The following WNK1 variants were observed in gnomAD, a reference collection of about 807,000 sequenced individuals.
WNK1 encodes the protein WNK lysine deficient protein kinase 1, also known as serine/threonine-protein kinase WNK1.
In WNK1, 38 loss-of-function variants were observed where a neutral mutation model predicts 222.8. The observed-to-expected ratio is 0.17, with a 90% CI of 0.13 to 0.22. The LOEUF (loss-of-function observed/expected upper bound fraction) is 0.22, where lower values mean the gene tolerates loss of function less well. WNK1 is among the 10% of genes least tolerant of loss of function. The pLI is 1.00. For synonymous variants in WNK1, 1,090 were observed against 1,092.9 expected, an observed-to-expected ratio of 1.00 and a Z score of 0.05; for missense variants, 2,348 against 2,918.4, an observed-to-expected ratio of 0.80 and a Z score of 4.50.
chr12:828,288 A>G (rs1948524920), intron 3 of WNK1, among the ~76,000 whole-genome samples: 2 of 152,198 alleles, frequency 1.3e-5, no homozygotes, highest in East Asian at 3.8e-4. Context: ...CCTGGGCAAC[A>G]GAGCAAGACT....
intron 1 of WNK1, 52 bp from the exon 2 acceptor site, chr12:813,590 A>T: frequency 6.3e-7 from 1 of 1,582,288 alleles, no homozygotes; most frequent in South Asian, 1.1e-5. Flanking sequence ...TAACTGTCTG[A>T]TTTGGTGTTT....
At position 896,670 on chromosome 12, in the gene WNK1, C is replaced by T. The variant is rs201207378; in HGVS notation, c.6183C>T (p.Ser2061=). ...CATTTAACTCCTCTTACATGAGTAG[C>T]GACAATGAGTCAGATATCGAAGATG... ...SNSFNSSYMS[S]DNESDIEDED... The change falls in exon 24 of 28, where the codon AGC becomes AGT. Residue 2061 remains serine (S), a synonymous_variant. Transcript: ENST00000315939. The T allele has an allele frequency of 2.2e-5, 36 of 1,609,544 alleles. No individual in the cohort carries two copies. Among genetic ancestry groups the T allele is most frequent in the Admixed American group, 5.1e-5 (3 of 59,048 alleles).
chr12:905,823 C>A (rs1428136992), intron 26 of WNK1, among the ~76,000 whole-genome samples: 1 of 152,212 alleles, frequency 6.6e-6, no homozygotes, highest in African/African-American at 2.4e-5. Context: ...TCCCTTCACA[C>A]TGTATGTGCA....
At chr12:901,462 A>G in intron 26 of WNK1, 1 of 699,396 alleles carries the variant, frequency 1.4e-6, no homozygotes, top group Middle Eastern at 3.1e-4. Flanking sequence ...GTGCCATCTT[A>G]GTGCATTTCA....
chr12:905,685 G>T (rs1955634958), intron 26 of WNK1, among the ~76,000 whole-genome samples: 1 of 152,156 alleles, frequency 6.6e-6, no homozygotes, highest in African/African-American at 2.4e-5. Context: ...TCACTGTCAT[G>T]ACTGCCCATC....
In WNK1 at chr12:849,313, AT is replaced by A. The variant is rs758307947; in HGVS notation, c.1312-7846del. ...CTTAGCATTCACTGTCTTGATCAGG[AT>A]TCAAGCTTACAAAATTACAAGGGAG... On this transcript the variant is annotated intron_variant, in intron 4 of 27. Transcript: ENST00000315939. Among the ~76,000 whole-genome samples, 6 of 152,338 alleles carry A rather than the reference AT, an allele frequency of 3.9e-5. No individual in the cohort carries two copies. The East Asian group carries it at 1.2e-3, about 29-fold the overall frequency.
intron 1 of WNK1, among the ~76,000 whole-genome samples, chr12:808,403 A>C (rs1946577968): frequency 6.6e-6 from 1 of 151,840 alleles, no homozygotes. Flanking sequence ...CGCCATGCCC[A>C]GCCCTAGTTT....
chr12:779,397 G>GTTTTTTTTTTT (rs5795950), intron 1 of WNK1, among the ~76,000 whole-genome samples: 4 of 124,274 alleles, frequency 3.2e-5, no homozygotes, highest in Admixed American at 8.2e-5. Flanking sequence ...TTTCTTTTCT[G>GTTTTTTTTTTT]TTTTTTTTTT....
At position 861,118 on chromosome 12, in the gene WNK1, C is replaced by G. The variant is rs756361196; in HGVS notation, c.1726C>G (p.Arg576Gly). 1 of 1,612,842 alleles carries G rather than the reference C, an allele frequency of 6.2e-7. No homozygotes were observed. Among genetic ancestry groups the G allele is most frequent in the Non-Finnish European group, 8.5e-7 (1 of 1,179,804 alleles). Residue 576 changes from arginine to glycine, a missense_variant, in exon 7 of 28, where the codon CGG becomes GGG. Transcript: ENST00000315939. ...KRKREQRQLV[R>G]EEQEKKKQEE... is the part of the protein sequence containing the mutation. ...GAAACGAGAGCAGCGGCAGTTGGTA[C>G]GGGAGGAGCAAGAAAAAAAAAAGCA...
chr12:871,400 A>G (rs540273186), intron 9 of WNK1, 52 bp downstream of exon 9: 6 of 1,574,122 alleles, frequency 3.8e-6, no homozygotes, highest in African/African-American at 2.7e-5. Context: ...CCAGAACACT[A>G]TTTTAACTTT....
chr12:865,155 C>T lies in WNK1; in HGVS notation c.2139+2885C>T, dbSNP rs72649816. On this transcript the variant is annotated intron_variant, in intron 8 of 27. Coordinates refer to ENST00000315939, the MANE Select transcript of WNK1 (RefSeq NM_018979.4). ...GTCGGTTTGTGTTCCCATCTTTCTG[C>T]TGTTGCCTCTGTGTCCCGCATCTCT... 1.4e-5 allele frequency: 21 copies of T among 1,532,888 alleles called. No individual in the cohort carries two copies. Among genetic ancestry groups the T allele is most frequent in the Non-Finnish European group, 1.7e-5 (20 of 1,145,380 alleles). The allele number at this position is 1,532,888 out of a possible 1,614,324, so 95.0% of individuals were successfully genotyped here. A position where few individuals can be genotyped will look rare whatever the true frequency, so the allele number is the denominator to read the frequency against.
chr12:864,349 G>T (rs1272423693), intron 8 of WNK1, among the ~76,000 whole-genome samples: 1 of 152,066 alleles, frequency 6.6e-6, no homozygotes, highest in Non-Finnish European at 1.5e-5. Context: ...GACCTCAAGT[G>T]ATCCACCTGC....
rs995676091 is a variant in WNK1 at position 880,964 on chromosome 12, G to A, written c.3076G>A (p.Ala1026Thr). ...CCAGCCAGGAGGGAGTTTAGCACAA[G>A]CCCCCACTACATCCTCCCAGCAAGC... ...VSQPGGSLAQAPTTSSQQAVL... is the reference protein window; with the variant it reads ...VSQPGGSLAQTPTTSSQQAVL... The change falls in exon 12 of 28, where the codon GCC becomes ACC. Residue 1026 changes from alanine (A) to threonine (T), a missense_variant. By Grantham distance (58) the Ala-to-Thr change is moderately conservative. This residue lies in a region of WNK1 where 547 missense variants were observed against 558.3 expected (regional missense o/e 0.98). Transcript: ENST00000315939. The A allele has an allele frequency of 1.2e-5, 19 of 1,614,028 alleles. No individual in the cohort carries two copies. Among genetic ancestry groups the A allele is most frequent in the Non-Finnish European group, 1.6e-5 (19 of 1,180,018 alleles).
chr12:856,286 T>C (rs888181372), intron 4 of WNK1, among the ~76,000 whole-genome samples: 4 of 151,802 alleles, frequency 2.6e-5, no homozygotes, highest in African/African-American at 7.3e-5. Flanking sequence ...CCATCCCATC[T>C]GTACTAAAAA....
chr12:752,759 C>T lies in WNK1; in HGVS notation c.-807C>T. On this transcript the variant is annotated 5_prime_UTR_variant, in exon 1 of 28. Coordinates refer to ENST00000315939, the MANE Select transcript of WNK1 (RefSeq NM_018979.4). ...CTCTCCTCTTGCCTCAGAGAAGCAGCGGAGCTCGGGCCCCGCGGTGAGCGG... is the reference window on the plus strand; with the variant it reads ...CTCTCCTCTTGCCTCAGAGAAGCAGTGGAGCTCGGGCCCCGCGGTGAGCGG... 6.6e-6 allele frequency: 1 copy of T among 152,422 alleles called. No homozygotes were observed. Among genetic ancestry groups the T allele is most frequent in the Non-Finnish European group, 1.5e-5 (1 of 68,130 alleles). The allele number at this position is 152,422 out of a possible 1,614,324, so 9.4% of individuals were successfully genotyped here. A position where few individuals can be genotyped will look rare whatever the true frequency, so the allele number is the denominator to read the frequency against.
intron 3 of WNK1, among the ~76,000 whole-genome samples, chr12:828,297 C>T (rs1230526090): frequency 6.6e-6 from 1 of 152,080 alleles, no homozygotes; most frequent in East Asian, 1.9e-4. Context: ...CAGAGCAAGA[C>T]TCCATCTCCA....
At chr12:883,127 A>T in intron 15 of WNK1, 68 bp downstream of exon 15, 1 of 1,149,774 alleles carries the variant, frequency 8.7e-7, no homozygotes, top group Non-Finnish European at 1.3e-6. Context: ...GCTCTAGGCA[A>T]ATATGCCATA....
chr12:874,975 A>G (rs1426686817), intron 9 of WNK1, among the ~76,000 whole-genome samples: 2 of 152,208 alleles, frequency 1.3e-5, no homozygotes, highest in African/African-American at 4.8e-5. Context: ...TTTGAAATGG[A>G]CTTTGATTAT....
At chr12:801,435 G>A (rs1945863373) in intron 1 of WNK1, among the ~76,000 whole-genome samples, 1 of 147,278 alleles carries the variant, frequency 6.8e-6, no homozygotes, top group Admixed American at 6.7e-5. Context: ...GTGTGTGTGT[G>A]TGTGTGTGTG....
Sources: gnomAD v4.1 joint callset for allele counts (sites outside exome capture counted in the v4.1 genomes callset) on GRCh38, gnomAD v4.1.1 for gene constraint, gnomAD v4.1.1 regional missense constraint, MANE v1.5 for transcripts, NCBI Gene and HGNC (gene_info 2026-07-23, HGNC 2026-07-21) for gene names.